Variants in USP6 observed in about 807,000 individuals in gnomAD.
USP6 encodes the protein ubiquitin specific peptidase 6.
A neutral mutation model predicts 175.7 loss-of-function variants in USP6; 128 were observed. The ratio of observed to expected loss-of-function variants is 0.73; its 90% CI spans 0.63 to 0.84. The LOEUF is 0.84. USP6 is among the 40% of genes least tolerant of loss of function. The pLI, the probability that USP6 is intolerant of heterozygous loss-of-function variation, is 0.00. For missense variants in USP6, 1,498 were observed against 1,760.3 expected, an observed-to-expected ratio of 0.85 and a Z score of 2.67; for synonymous variants, 562 against 630.6, an observed-to-expected ratio of 0.89 and a Z score of 1.63.
rs1362184792 is a variant in USP6 at position 5,141,513 on chromosome 17, A to G, written c.1573+14A>G. On this transcript the variant is annotated intron_variant, in intron 23 of 37. Transcript: ENST00000574788. ...ATAGACAAAAGGGTAAGTCTCCAGT[A>G]TTATTTTTTAAAGAGATTATTTTAA... The G allele has an allele frequency of 6.4e-7, 1 of 1,564,542 alleles. No individual in the cohort carries two copies.
At chr17:5,141,561 A>G (rs1447588277) in intron 23 of USP6, 62 bp downstream of exon 23, 7 of 1,425,564 alleles carry the variant, frequency 4.9e-6, no homozygotes, top group Non-Finnish European at 5.7e-6. Flanking sequence ...TCTTCTTTCA[A>G]CTATTAAAGT....
Position 5,132,898 on chromosome 17 carries a change from CT to C in USP6, c.196-11del, listed in dbSNP as rs765980689. ...GGCAGCTCCACTAACTCCAACATGC[CT>C]CATTTGACAGAAAATTCGGCGGGAG... On this transcript the variant is annotated splice_polypyrimidine_tract_variant and intron_variant, in intron 12 of 37. Coordinates refer to ENST00000574788, the MANE Select transcript of USP6 (RefSeq NM_001304284.2). This position sits in a 1 kb window ranked among gnomAD's most constrained non-coding sequence, Gnocchi z 4.7. The C allele has an allele frequency of 9.6e-5, 155 of 1,614,004 alleles. No individual in the cohort carries two copies. Among genetic ancestry groups the C allele is most frequent in the Non-Finnish European group, 1.2e-4 (139 of 1,179,996 alleles).
At position 5,148,725 on chromosome 17, in the gene USP6, C is replaced by T. The variant is rs1414583221; in HGVS notation, c.2601C>T (p.Asp867=). 1 of 1,613,794 alleles carries T rather than the reference C, an allele frequency of 6.2e-7. No homozygotes were observed. Among genetic ancestry groups the T allele is most frequent in the Admixed American group, 1.7e-5 (1 of 59,996 alleles). The change falls in exon 30 of 38, where the codon GAC becomes GAT. Residue 867 remains aspartate, a synonymous_variant. Coordinates refer to ENST00000574788, the MANE Select transcript of USP6 (RefSeq NM_001304284.2). ...MVNGHMPSLP[D]SPFTGYIIAV... ...ATGGTCACATGCCATCTCTTCCTGA[C>T]AGCCCCTTTACAGGTTACATCATTG...
At position 5,139,270 on chromosome 17, in the gene USP6, G is replaced by C. The variant is rs2073365622; in HGVS notation, c.1094G>C (p.Gly365Ala). Residue 365 changes from glycine (G) to alanine (A), a missense_variant, in exon 22 of 38, where the codon GGG becomes GCG. Gly to Ala is a moderately conservative substitution (Grantham distance 60). This residue lies in a region of USP6 where 1,217 missense variants were observed against 1,500.8 expected (regional missense o/e 0.81). Transcript: ENST00000574788. ...DLPPPAKREQ[G>A]SLAPRPVPAS... ...TTCCTTTCAGCCAAACGCGAGCAAG[G>C]GTCCTTGGCACCCAGGCCTGTGCCG... 1.2e-6 allele frequency: 2 copies of C among 1,603,182 alleles called. No individual in the cohort carries two copies. Among genetic ancestry groups the C allele is most frequent in the African/African-American group, 1.3e-5 (1 of 74,930 alleles).
At position 5,132,321 on chromosome 17, in the gene USP6, C is replaced by T. The variant is rs1479352580; in HGVS notation, c.156-75C>T. ...TGGATAGGGACAGAGCCAGTCCTTT[C>T]TGGGGGTCGGCTCCCAGGCTTGGGC... On this transcript the variant is annotated intron_variant, in intron 11 of 37. Coordinates refer to ENST00000574788, the MANE Select transcript of USP6 (RefSeq NM_001304284.2). This position sits in a 1 kb window ranked among gnomAD's most constrained non-coding sequence, Gnocchi z 4.7. 8.1e-6 allele frequency: 13 copies of T among 1,611,750 alleles called. No individual in the cohort carries two copies. Among genetic ancestry groups the T allele is most frequent in the Non-Finnish European group, 9.3e-6 (11 of 1,179,630 alleles).
Position 5,130,699 on chromosome 17 carries a change from A to G in USP6, c.155+15A>G, listed in dbSNP as rs770551795. ...GGCATTTTGCAGTGAGTCATCCTCT[A>G]TGCTCCCCTCACCCCTAAAGCAGCT... On this transcript the variant is annotated intron_variant, in intron 11 of 37. Coordinates refer to ENST00000574788, the MANE Select transcript of USP6 (RefSeq NM_001304284.2). 2.5e-6 allele frequency: 4 copies of G among 1,613,252 alleles called. No homozygotes were observed. Among genetic ancestry groups the G allele is most frequent in the East Asian group, 2.2e-5 (1 of 44,896 alleles).
At chr17:5,160,662 A>G (rs552390947) in intron 31 of USP6, among the ~76,000 whole-genome samples, 28 of 152,270 alleles carry the variant, frequency 1.8e-4, no homozygotes, top group African/African-American at 5.3e-4. Context: ...AGTCTTTGCT[A>G]TTGTGAATAG....
At chr17:5,161,502 A>C in intron 31 of USP6, 26 bp from the exon 32 acceptor site, 1 of 1,610,150 alleles carries the variant, frequency 6.2e-7, no homozygotes, top group Non-Finnish European at 8.5e-7. Flanking sequence ...TGCTTCTTAC[A>C]CTCTTTTTGT....
chr17:5,131,115 C>T (rs1222002195), intron 11 of USP6, among the ~76,000 whole-genome samples: 2 of 152,166 alleles, frequency 1.3e-5, no homozygotes, highest in African/African-American at 4.8e-5. Context: ...CCCTGTCCTC[C>T]TCCATTTCCC....
chr17:5,165,153 T>G (rs1054875003), intron 33 of USP6, among the ~76,000 whole-genome samples: 7 of 152,202 alleles, frequency 4.6e-5, no homozygotes, highest in Admixed American at 3.9e-4. Context: ...AAAAATACTA[T>G]TTAGGAAAAA....
At position 5,116,216 on chromosome 17, in the gene USP6, C is replaced by G. The variant is rs531962966; in HGVS notation, c.-2452C>G. 7.1e-6 allele frequency among the ~76,000 whole-genome samples: 1 copy of G among 140,266 alleles called. No individual in the cohort carries two copies. Among genetic ancestry groups the G allele is most frequent in the East Asian group, 1.9e-4 (1 of 5,178 alleles). The allele number at this position is 140,266 out of a possible 152,430, so 92.0% of individuals were successfully genotyped here. A position where few individuals can be genotyped will look rare whatever the true frequency, so the allele number is the denominator to read the frequency against. On this transcript the variant is annotated 5_prime_UTR_variant, in exon 1 of 38. Transcript: ENST00000574788. ...GAGGGGCCGCGGGCAGCGCTCGAGA[C>G]GCTCATTGAGAGGACTTCCCGCCTG...
At chr17:5,152,855 G>A (rs569044220) in intron 30 of USP6, among the ~76,000 whole-genome samples, 1 of 152,182 alleles carries the variant, frequency 6.6e-6, no homozygotes, top group South Asian at 2.1e-4. Flanking sequence ...AAATTAGCCG[G>A]TGTGGTGCCA....
rs760623817 is a variant in USP6 at position 5,130,450 on chromosome 17, G to A, written c.72+11G>A. ...ATGAAGTATGACAAGGTACAGTTCGGTCTGCTCCTTGGAGGGAGGCCTCTT... is the reference window on the plus strand; with the variant it reads ...ATGAAGTATGACAAGGTACAGTTCGATCTGCTCCTTGGAGGGAGGCCTCTT... On this transcript the variant is annotated intron_variant, in intron 10 of 37. Coordinates refer to ENST00000574788, the MANE Select transcript of USP6 (RefSeq NM_001304284.2). The A allele has an allele frequency of 1.2e-6, 2 of 1,614,098 alleles. No individual in the cohort carries two copies. Among genetic ancestry groups the A allele is most frequent in the Non-Finnish European group, 1.7e-6 (2 of 1,179,980 alleles).
chr17:5,116,467 G>C lies in USP6; in HGVS notation c.-2201G>C, dbSNP rs958514224. 3.3e-5 allele frequency: 5 copies of C among 152,324 alleles called. No homozygotes were observed. Among genetic ancestry groups the C allele is most frequent in the African/African-American group, 1.2e-4 (5 of 41,472 alleles). 9.4% of individuals were successfully genotyped at this position (152,324 alleles called of 1,614,324 possible). On this transcript the variant is annotated 5_prime_UTR_variant, in exon 1 of 38. Transcript: ENST00000574788. The stretch of plus-strand genomic sequence containing the variant: ...CCGTCTCGTGTGGTGTCTGAGGGGC[G>C]TCTACCTGGAGTCACTGAGCCGACG...
At chr17:5,125,627 T>C (rs2072860286) in intron 5 of USP6, among the ~76,000 whole-genome samples, 194 bp from the exon 6 acceptor site, 1 of 146,272 alleles carries the variant, frequency 6.8e-6, no homozygotes, top group Non-Finnish European at 1.5e-5. Context: ...CCCTCCCACA[T>C]CCTGTCCACT....
rs151062350 is a variant in USP6 at position 5,132,810 on chromosome 17, G to A, written c.196-100G>A. On this transcript the variant is annotated intron_variant, in intron 12 of 37. Coordinates refer to ENST00000574788, the MANE Select transcript of USP6 (RefSeq NM_001304284.2). The surrounding 1 kb of genome is among the most constrained non-coding windows in gnomAD (Gnocchi z 4.7). ...GTCTGCCCTTCCCTGGCTCCTTCCA[G>A]TTGGGTCCCACCAGGGCTCCAGAGC... 865 of 1,415,126 alleles carry A rather than the reference G, an allele frequency of 6.1e-4. 5 individuals carry two copies. The African/African-American group carries it at 0.011, about 18-fold the overall frequency. 87.7% of individuals were successfully genotyped at this position (1,415,126 alleles called of 1,614,324 possible).
intron 2 of USP6, among the ~76,000 whole-genome samples, chr17:5,119,529 C>T (rs763394462): frequency 6.6e-5 from 10 of 152,212 alleles, no homozygotes; most frequent in Non-Finnish European, 1.3e-4. Flanking sequence ...ACCCCCTGGG[C>T]TGGGCCATGC....
In USP6 at chr17:5,116,233, T is replaced by C. The variant is rs1459660685; in HGVS notation, c.-2435T>C. ...GCTCGAGACGCTCATTGAGAGGACTTCCCGCCTGCGGGCTCTCTGCTCGAC... is the reference window on the plus strand; with the variant it reads ...GCTCGAGACGCTCATTGAGAGGACTCCCCGCCTGCGGGCTCTCTGCTCGAC... On this transcript the variant is annotated 5_prime_UTR_variant, in exon 1 of 38. Transcript: ENST00000574788. Among the ~76,000 whole-genome samples the C allele has an allele frequency of 7.3e-6, 1 of 137,794 alleles. No homozygotes were observed. The highest frequency in any genetic ancestry group is 2.5e-5 in the African/African-American group (1 of 40,206). 90.4% of individuals were successfully genotyped at this position (137,794 alleles called of 152,430 possible).
At position 5,150,279 on chromosome 17, in the gene USP6, C is replaced by T. The variant is rs551157642; in HGVS notation, c.2643+1512C>T. On this transcript the variant is annotated intron_variant, in intron 30 of 37. Coordinates refer to ENST00000574788, the MANE Select transcript of USP6 (RefSeq NM_001304284.2). ...TGCACTCCAACCTGGGCAACAAGAG[C>T]GAAACTCCGTCTAAAAAAATAAATA... Among the ~76,000 whole-genome samples the T allele has an allele frequency of 1.8e-4, 26 of 145,240 alleles. No individual in the cohort carries two copies. The East Asian group carries it at 3.4e-3, about 19-fold the overall frequency.
Sources: gnomAD v4.1 joint callset for allele counts (sites outside exome capture counted in the v4.1 genomes callset) on GRCh38, gnomAD v4.1.1 for gene constraint, gnomAD v4.1.1 regional missense constraint, Gnocchi (gnomAD v3.1) non-coding constraint, MANE v1.5 for transcripts, NCBI Gene and HGNC (gene_info 2026-07-23, HGNC 2026-07-21) for gene names.